Variants in CDH13 observed in about 807,000 individuals in gnomAD.
CDH13 encodes the protein cadherin 13, also known as cadherin-13.
A neutral mutation model predicts 63.8 loss-of-function variants in CDH13; 24 were observed. That is an observed-to-expected ratio of 0.38 (90% confidence interval 0.27 to 0.53). The LOEUF (loss-of-function observed/expected upper bound fraction) is 0.53, where lower values mean the gene tolerates loss of function less well. CDH13 is among the 20% of genes least tolerant of loss of function. The pLI, the probability that CDH13 is intolerant of heterozygous loss-of-function variation, is 0.85. For missense variants in CDH13, 1,049 were observed against 903.1 expected, an observed-to-expected ratio of 1.16 and a Z score of -2.07; for synonymous variants, 503 against 355.3, an observed-to-expected ratio of 1.42 and a Z score of -4.67.
At chr16:82,798,650 G>A (rs1449678449) in intron 1 of CDH13, among the ~76,000 whole-genome samples, 1 of 152,138 alleles carries the variant, frequency 6.6e-6, no homozygotes, top group Non-Finnish European at 1.5e-5. Context: ...AAGCACAAAT[G>A]TCCATAGGAG....
At chr16:83,431,210 T>G (rs1216337263) in intron 6 of CDH13, among the ~76,000 whole-genome samples, 1 of 151,852 alleles carries the variant, frequency 6.6e-6, no homozygotes, top group South Asian at 2.1e-4. Context: ...CTTAATCCAG[T>G]CTATCATTGT....
chr16:82,738,184 A>C (rs569379494), intron 1 of CDH13, among the ~76,000 whole-genome samples: 162 of 152,320 alleles, frequency 1.1e-3, no homozygotes, highest in African/African-American at 3.8e-3. Context: ...TTCTTGCAAG[A>C]ATATGATGGG....
intron 2 of CDH13, among the ~76,000 whole-genome samples, chr16:82,992,905 A>G (rs1353646331): frequency 6.6e-6 from 1 of 152,202 alleles, no homozygotes; most frequent in Non-Finnish European, 1.5e-5. Context: ...TTGGCTAGAG[A>G]AGGGCTCAGG....
chr16:83,175,034 C>T (rs1275022610), intron 4 of CDH13, among the ~76,000 whole-genome samples: 3 of 152,038 alleles, frequency 2.0e-5, no homozygotes, highest in African/African-American at 4.8e-5. Flanking sequence ...CAGAGCCAAA[C>T]CATATCACCA....
intron 6 of CDH13, among the ~76,000 whole-genome samples, chr16:83,408,477 A>T (rs552710727): frequency 6.6e-6 from 1 of 152,268 alleles, no homozygotes; most frequent in Non-Finnish European, 1.5e-5. Context: ...CTGTTACTCT[A>T]TTGAATACTG....
intron 2 of CDH13, among the ~76,000 whole-genome samples, chr16:82,978,168 G>C (rs1909781688): frequency 6.6e-6 from 1 of 152,164 alleles, no homozygotes; most frequent in South Asian, 2.1e-4. Context: ...CTTGGGTGCT[G>C]TTAAAAGTAT....
chr16:83,618,678 G>A (rs953428661), intron 8 of CDH13, among the ~76,000 whole-genome samples: 1 of 152,014 alleles, frequency 6.6e-6, no homozygotes, highest in African/African-American at 2.4e-5. Context: ...CATCTCAGAA[G>A]TGAATAAATG....
rs538265049 is a variant in CDH13 at position 83,552,936 on chromosome 16, G to A, written c.961-49518G>A. Among the ~76,000 whole-genome samples the A allele has an allele frequency of 9.9e-4, 150 of 152,206 alleles. 2 individuals are homozygous for A. Among genetic ancestry groups the A allele is most frequent in the African/African-American group, 3.2e-3 (132 of 41,530 alleles). ...TCTACTAAAATGACAAAAATTAGCC[G>A]GGAGTGGTGGCACGCACCTGTAATT... On this transcript the variant is annotated intron_variant, in intron 7 of 13. Coordinates refer to ENST00000567109, the MANE Select transcript of CDH13 (RefSeq NM_001257.5).
chr16:83,431,647 G>A (rs1469723109), intron 6 of CDH13, among the ~76,000 whole-genome samples: 2 of 152,128 alleles, frequency 1.3e-5, no homozygotes, highest in East Asian at 1.9e-4. Context: ...GAGAAAGGAG[G>A]AATGAGGTAT....
chr16:83,313,971 T>C (rs2090053542), intron 5 of CDH13, among the ~76,000 whole-genome samples: 1 of 152,198 alleles, frequency 6.6e-6, no homozygotes, highest in Non-Finnish European at 1.5e-5. Context: ...TCATTAATGA[T>C]GGAATGTATT....
chr16:82,773,987 G>A (rs1414257777), intron 1 of CDH13, among the ~76,000 whole-genome samples: 1 of 152,116 alleles, frequency 6.6e-6, no homozygotes, highest in Non-Finnish European at 1.5e-5. Flanking sequence ...GTTTCACTAT[G>A]TTGGCCAGGC....
chr16:83,342,332 G>A (rs1348027896), intron 5 of CDH13, among the ~76,000 whole-genome samples: 1 of 152,072 alleles, frequency 6.6e-6, no homozygotes, highest in Non-Finnish European at 1.5e-5. Context: ...TTTCCATGCT[G>A]GGTTATCTTT....
At chr16:82,753,577 C>T (rs2034502466) in intron 1 of CDH13, among the ~76,000 whole-genome samples, 1 of 152,104 alleles carries the variant, frequency 6.6e-6, no homozygotes, top group African/African-American at 2.4e-5. Flanking sequence ...AAACAATTCT[C>T]CATCAAAAAA....
At chr16:82,890,737 C>T (rs549729016) in intron 2 of CDH13, among the ~76,000 whole-genome samples, 3 of 151,594 alleles carry the variant, frequency 2.0e-5, no homozygotes, top group East Asian at 1.9e-4. Flanking sequence ...CTGCAACCTC[C>T]GCCTCCCAGG....
At chr16:83,592,348 A>G (rs1483306846) in intron 7 of CDH13, among the ~76,000 whole-genome samples, 1 of 152,194 alleles carries the variant, frequency 6.6e-6, no homozygotes, top group Non-Finnish European at 1.5e-5. Context: ...CCTTTTGTTC[A>G]TCTCTCTGGA....
chr16:82,997,255 G>C (rs1333730619), intron 2 of CDH13, among the ~76,000 whole-genome samples: 2 of 151,984 alleles, frequency 1.3e-5, no homozygotes, highest in Non-Finnish European at 2.9e-5. Context: ...CTCTAGGCTA[G>C]ATATTGTGCT....
intron 3 of CDH13, among the ~76,000 whole-genome samples, chr16:83,092,622 C>T (rs569142466): frequency 6.6e-6 from 1 of 152,116 alleles, no homozygotes; most frequent in Non-Finnish European, 1.5e-5. Context: ...CTACTTCTTT[C>T]TTTGCCGCTT....
intron 1 of CDH13, among the ~76,000 whole-genome samples, chr16:82,802,398 T>C (rs1301133453): frequency 6.6e-6 from 1 of 152,170 alleles, no homozygotes; most frequent in Non-Finnish European, 1.5e-5. Context: ...CTGCTTCGCC[T>C]GGCAAAACAG....
chr16:83,143,881 G>A (rs1304645225), intron 4 of CDH13, among the ~76,000 whole-genome samples: 3 of 151,978 alleles, frequency 2.0e-5, no homozygotes, highest in African/African-American at 7.3e-5. Context: ...TGAAGTTGAT[G>A]TCGGCTGGGA....
Sources: gnomAD v4.1 joint callset for allele counts (sites outside exome capture counted in the v4.1 genomes callset) on GRCh38, gnomAD v4.1.1 for gene constraint, MANE v1.5 for transcripts, NCBI Gene and HGNC (gene_info 2026-07-23, HGNC 2026-07-21) for gene names.